Variants in FGF14 observed in about 807,000 individuals in gnomAD.
FGF14 encodes fibroblast growth factor homologous factor 4.
Under a neutral mutation model 25.5 loss-of-function variants are expected in FGF14, and 5 were observed. The observed-to-expected ratio is 0.20, with a 90% CI of 0.10 to 0.41. FGF14 has a LOEUF of 0.41. Among genes scored for constraint, FGF14 ranks in the 10% least tolerant of loss-of-function variants. The pLI is 1.00. For missense variants in FGF14, 222 were observed against 320.1 expected (o/e 0.69, Z 2.34); for synonymous variants, 138 against 118.3 (o/e 1.17, Z -1.08).
chr13:101,986,941 C>T (rs1488284640), intron 1 of FGF14, among the ~76,000 whole-genome samples: 2 of 52,732 alleles, frequency 3.8e-5, no homozygotes, highest in African/African-American at 9.8e-5. Flanking sequence ...TGTGCATGCA[C>T]ACACACACAC....
chr13:102,232,992 C>G (rs2051150287), intron 1 of FGF14, among the ~76,000 whole-genome samples: 1 of 152,154 alleles, frequency 6.6e-6, no homozygotes, highest in African/African-American at 2.4e-5. Flanking sequence ...CCTGAGACAT[C>G]CGTGCAGCCC....
At chr13:101,983,196 C>T (rs1296036027) in intron 1 of FGF14, among the ~76,000 whole-genome samples, 1 of 152,082 alleles carries the variant, frequency 6.6e-6, no homozygotes, top group Non-Finnish European at 1.5e-5. Flanking sequence ...ATCATTTGTA[C>T]CCTTGTATCT....
chr13:102,351,215 TAC>T (rs1488716975), intron 1 of FGF14, among the ~76,000 whole-genome samples: 1 of 152,032 alleles, frequency 6.6e-6, no homozygotes, highest in Non-Finnish European at 1.5e-5. Flanking sequence ...TTGTAAAAAG[TAC>T]AGTTACAAGT....
intron 1 of FGF14, among the ~76,000 whole-genome samples, chr13:102,375,922 T>C (rs567836676): frequency 1.3e-5 from 2 of 152,214 alleles, no homozygotes; most frequent in South Asian, 4.1e-4. Flanking sequence ...TCAAACCTAA[T>C]TGAAATGAAA....
chr13:102,374,573 ATAAATG>A (rs2139128744), intron 1 of FGF14, among the ~76,000 whole-genome samples: 2 of 147,464 alleles, frequency 1.4e-5, no homozygotes, highest in South Asian at 4.3e-4. Context: ...TTGAAGAATA[ATAAATG>A]TAAAAGTAAA....
In FGF14 at chr13:101,717,765, G is replaced by C. The variant is rs2034780751; in HGVS notation, c.*5066C>G. On this transcript the variant is annotated 3_prime_UTR_variant, in exon 5 of 5. Coordinates refer to ENST00000376143, the MANE Select transcript of FGF14 (RefSeq NM_004115.4). Reference sequence around the variant, plus strand: ...ACAAAAGCAACTTAAGGGTGGATTTGGCTGGCAGCTGGGCAGTACTTTGTC... The same window carrying C: ...ACAAAAGCAACTTAAGGGTGGATTTCGCTGGCAGCTGGGCAGTACTTTGTC... 1 of 152,100 alleles carries C rather than the reference G, an allele frequency of 6.6e-6. No homozygotes were observed. The highest frequency in any genetic ancestry group is 1.5e-5 in the Non-Finnish European group (1 of 68,030). 9.4% of individuals were successfully genotyped at this position (152,100 alleles called of 1,614,324 possible). A position where few individuals can be genotyped will look rare whatever the true frequency, so the allele number is the denominator to read the frequency against.
intron 1 of FGF14, among the ~76,000 whole-genome samples, chr13:102,351,504 G>A (rs1237399360): frequency 6.6e-6 from 1 of 152,182 alleles, no homozygotes; most frequent in African/African-American, 2.4e-5. Flanking sequence ...ACTAGTTCCT[G>A]CAAAATTCAG....
intron 3 of FGF14, among the ~76,000 whole-genome samples, chr13:101,829,539 A>T (rs1413769548): frequency 6.6e-6 from 1 of 152,036 alleles, no homozygotes; most frequent in African/African-American, 2.4e-5. Flanking sequence ...TTCACTCTTC[A>T]GCTATTCCGG....
intron 3 of FGF14, among the ~76,000 whole-genome samples, chr13:101,793,573 C>A (rs995481692): frequency 6.6e-6 from 1 of 151,996 alleles, no homozygotes; most frequent in Non-Finnish European, 1.5e-5. Flanking sequence ...ATAATGATTT[C>A]GAATCTTTTA....
intron 1 of FGF14, among the ~76,000 whole-genome samples, chr13:102,344,647 G>T (rs1292951660): frequency 3.9e-5 from 6 of 152,142 alleles, no homozygotes; most frequent in Admixed American, 6.5e-5. Context: ...ATGTACAAAG[G>T]ATCTGCAGTA....
chr13:102,084,158 C>A (rs116563106), intron 1 of FGF14, among the ~76,000 whole-genome samples: 1,674 of 152,200 alleles, frequency 0.011, 28 homozygotes, highest in African/African-American at 0.038. Flanking sequence ...TTTACTTAAT[C>A]CTATCTTCCT....
At chr13:101,931,564 C>T (rs2034751028) in intron 1 of FGF14, among the ~76,000 whole-genome samples, 1 of 152,198 alleles carries the variant, frequency 6.6e-6, no homozygotes, top group Non-Finnish European at 1.5e-5. Flanking sequence ...TTCCCTGAGT[C>T]AGGGACTTTG....
At chr13:102,010,119 T>C (rs1346620993) in intron 1 of FGF14, among the ~76,000 whole-genome samples, 5 of 152,178 alleles carry the variant, frequency 3.3e-5, no homozygotes, top group Non-Finnish European at 7.3e-5. Flanking sequence ...TTTAGTTATT[T>C]TCACACTCCA....
chr13:101,817,187 G>GTGAGCATCAGA (rs2041886273), intron 3 of FGF14, among the ~76,000 whole-genome samples: 1 of 152,142 alleles, frequency 6.6e-6, no homozygotes, highest in African/African-American at 2.4e-5. Context: ...TGGTTTCTCA[G>GTGAGCATCAGA]TGAGCATCAG....
intron 1 of FGF14, among the ~76,000 whole-genome samples, chr13:101,899,045 G>A (rs71441527): frequency 0.015 from 2,313 of 152,232 alleles, 23 homozygotes; most frequent in Non-Finnish European, 0.024. Flanking sequence ...AGTAGCCTTG[G>A]TAAACATCCA....
At chr13:101,763,007 G>A (rs1330059892) in intron 3 of FGF14, among the ~76,000 whole-genome samples, 1 of 152,134 alleles carries the variant, frequency 6.6e-6, no homozygotes, top group African/African-American at 2.4e-5. Flanking sequence ...AAAAAGGTCA[G>A]ACGCCATCTT....
chr13:101,873,867 C>T (rs1333777205), intron 2 of FGF14, among the ~76,000 whole-genome samples: 1 of 150,940 alleles, frequency 6.6e-6, no homozygotes, highest in Non-Finnish European at 1.5e-5. Context: ...AGGAAATAAA[C>T]TAAAAATAAA....
At chr13:102,137,000 C>A (rs1003541312) in intron 1 of FGF14, among the ~76,000 whole-genome samples, 13 of 152,114 alleles carry the variant, frequency 8.5e-5, no homozygotes, top group African/African-American at 2.7e-4. Flanking sequence ...GTGATAAGAG[C>A]CTGAAACTAG....
At chr13:101,832,535 T>C (rs1484604273) in intron 3 of FGF14, among the ~76,000 whole-genome samples, 1 of 152,016 alleles carries the variant, frequency 6.6e-6, no homozygotes, top group Non-Finnish European at 1.5e-5. Context: ...TCAGCTGGAC[T>C]TGATAGAGGA....
Sources: gnomAD v4.1 joint callset for allele counts (sites outside exome capture counted in the v4.1 genomes callset) on GRCh38, gnomAD v4.1.1 for gene constraint, MANE v1.5 for transcripts, NCBI Gene and HGNC (gene_info 2026-07-23, HGNC 2026-07-21) for gene names.